Variants in FER1L6 observed in about 807,000 individuals in gnomAD.
FER1L6 encodes the protein fer-1 like family member 6.
In FER1L6, 177 loss-of-function variants were observed where a neutral mutation model predicts 219.2. The ratio of observed to expected loss-of-function variants is 0.81; its 90% confidence interval spans 0.71 to 0.91. The LOEUF (loss-of-function observed/expected upper bound fraction) is 0.91, where lower values mean the gene tolerates loss of function less well. Ranked by LOEUF, FER1L6 falls within the 40% of genes least tolerant of loss-of-function variation. The pLI is 0.00. For missense variants in FER1L6, 2,153 were observed against 2,259.9 expected (o/e 0.95, Z 0.96); for synonymous variants, 768 against 824.3 (o/e 0.93, Z 1.17).
chr8:124,090,037 CCTCT>C (rs1225635454), intron 33 of FER1L6, among the ~76,000 whole-genome samples: 6 of 152,194 alleles, frequency 3.9e-5, no homozygotes, highest in African/African-American at 1.4e-4. Context: ...CCACTGCACA[CCTCT>C]CTGATAATTG....
rs1554608009 is a variant in FER1L6, at chr8:123,856,316, G to GTATATATATA, written c.-8+4155_-8+4164dup. Among the ~76,000 whole-genome samples, 378 of 45,068 alleles carry GTATATATATA rather than the reference G, an allele frequency of 8.4e-3. 29 individuals are homozygous for GTATATATATA. Among genetic ancestry groups the GTATATATATA allele is most frequent in the Non-Finnish European group, 9.9e-3 (215 of 21,676 alleles). 29.6% of individuals were successfully genotyped at this position (45,068 alleles called of 152,430 possible). Reference sequence around the variant, plus strand: ...TGTATATATATATATATATGTATGTGTATATATATATATATATATATATAT... The same window carrying GTATATATATA: ...TGTATATATATATATATATGTATGTGTATATATATATATATATATATATATATATATATAT... On this transcript the variant is annotated intron_variant, in intron 1 of 40. Coordinates refer to ENST00000522917, the MANE Select transcript of FER1L6 (RefSeq NM_001039112.2).
At chr8:124,042,409 C>T (rs538564358) in intron 20 of FER1L6, among the ~76,000 whole-genome samples, 1 of 152,370 alleles carries the variant, frequency 6.6e-6, no homozygotes, top group Admixed American at 6.5e-5. Flanking sequence ...GCATCATTTG[C>T]TACATCTCAC....
intron 32 of FER1L6, among the ~76,000 whole-genome samples, chr8:124,080,558 T>C (rs1027387376): frequency 6.6e-6 from 1 of 152,142 alleles, no homozygotes; most frequent in African/African-American, 2.4e-5. Context: ...CCTCGAGTGA[T>C]CCACCTGCCT....
rs754259663 is a variant in FER1L6 at position 124,071,460 on chromosome 8, G to C, written c.3967-46G>C. 5 of 1,609,036 alleles carry C rather than the reference G, an allele frequency of 3.1e-6. No individual in the cohort carries two copies. The African/African-American group carries it at 5.3e-5, about 17-fold the overall frequency. ...CAGTGCTCTCTGTGGGTTTTGGTGG[G>C]ACATATGACCATCTCATTTCAATGG... On this transcript the variant is annotated intron_variant, in intron 30 of 40. Transcript: ENST00000522917.
Position 123,990,257 on chromosome 8 carries a change from ACT to A in FER1L6, c.1519+4084_1519+4085del, listed in dbSNP as rs575115070. Among the ~76,000 whole-genome samples the A allele has an allele frequency of 3.0e-4, 45 of 152,064 alleles. No homozygotes were observed. In the South Asian group the frequency reaches 6.4e-3, roughly 22 times the overall value. The stretch of plus-strand genomic sequence containing the variant: ...CACTCCAGCCTGGGTGGCAGAGGAG[ACT>A]CTGCCTCAAAAAAACAAAATAAAAT... On this transcript the variant is annotated intron_variant, in intron 12 of 40. Transcript: ENST00000522917.
At chr8:123,934,903 C>T (rs973720912) in intron 1 of FER1L6, among the ~76,000 whole-genome samples, 4 of 152,128 alleles carry the variant, frequency 2.6e-5, no homozygotes, top group East Asian at 1.9e-4. Flanking sequence ...TTTCCTGCTC[C>T]GCCATGGTAA....
At chr8:123,855,678 CAT>C (rs112642164) in intron 1 of FER1L6, among the ~76,000 whole-genome samples, 32,164 of 129,872 alleles carry the variant, frequency 0.25, 3,850 homozygotes, top group East Asian at 0.47. Context: ...AAGTGAAAAC[CAT>C]ATGTGTGTGT....
At chr8:123,904,688 T>A (rs997626425) in intron 1 of FER1L6, among the ~76,000 whole-genome samples, 1 of 152,156 alleles carries the variant, frequency 6.6e-6, no homozygotes, top group African/African-American at 2.4e-5. Context: ...TGAAGGGGTG[T>A]CTTCCACTGT....
At chr8:123,893,939 C>T (rs1209079739) in intron 1 of FER1L6, among the ~76,000 whole-genome samples, 1 of 152,136 alleles carries the variant, frequency 6.6e-6, no homozygotes, top group Non-Finnish European at 1.5e-5. Context: ...GCCACATGGT[C>T]ACCCCTGGTA....
chr8:124,096,994 AT>A (rs1278926801), intron 35 of FER1L6, among the ~76,000 whole-genome samples: 1 of 152,008 alleles, frequency 6.6e-6, no homozygotes. Flanking sequence ...AGATAGCATT[AT>A]GTCTACCCCC....
At chr8:124,076,047 T>G in intron 31 of FER1L6, 151 bp from the exon 32 acceptor site, 2 of 926,196 alleles carry the variant, frequency 2.2e-6, no homozygotes, top group Non-Finnish European at 3.1e-6. Context: ...ATCTAGGGAG[T>G]TTTTCAAAAG....
At chr8:124,059,475 A>G (rs928234360) in intron 22 of FER1L6, among the ~76,000 whole-genome samples, 3 of 152,188 alleles carry the variant, frequency 2.0e-5, no homozygotes, top group Non-Finnish European at 2.9e-5. Context: ...TGAAAGATGT[A>G]TGTGTCGAAC....
intron 1 of FER1L6, among the ~76,000 whole-genome samples, chr8:123,924,534 CAAA>C (rs35116182): frequency 1.4e-5 from 2 of 147,350 alleles, no homozygotes; most frequent in African/African-American, 5.1e-5. Context: ...AACTCCATCT[CAAA>C]AAAAAAAAAA....
At chr8:124,029,121 A>G (rs1489752052) in intron 18 of FER1L6, among the ~76,000 whole-genome samples, 1 of 152,080 alleles carries the variant, frequency 6.6e-6, no homozygotes, top group Admixed American at 6.5e-5. Flanking sequence ...ATTCTTTTTT[A>G]TGGCTGCATA....
chr8:124,007,102 G>A (rs553227634), intron 13 of FER1L6, among the ~76,000 whole-genome samples: 1 of 152,312 alleles, frequency 6.6e-6, no homozygotes, highest in Non-Finnish European at 1.5e-5. Context: ...CTTCTCTTCT[G>A]AGTAAACACC....
rs1586591366 is a variant in FER1L6, at chr8:124,013,693, A to G, written c.1922+162A>G. ...GTAATTTCACTCGTGCTTGTGGACT[A>G]ACTATTGCTTCTTGACACTGTAACA... On this transcript the variant is annotated intron_variant, in intron 15 of 40. Transcript: ENST00000522917. 1.1e-5 allele frequency: 5 copies of G among 458,342 alleles called. No individual in the cohort carries two copies. The East Asian group carries it at 1.5e-4, about 13-fold the overall frequency. 28.4% of individuals were successfully genotyped at this position (458,342 alleles called of 1,614,324 possible).
intron 1 of FER1L6, among the ~76,000 whole-genome samples, chr8:123,899,521 T>A (rs184872727): frequency 2.0e-5 from 3 of 152,258 alleles, no homozygotes; most frequent in Admixed American, 1.3e-4. Context: ...ATTTATTAGG[T>A]CTCAGCTATT....
At position 124,097,845 on chromosome 8, in the gene FER1L6, C is replaced by G. The variant is rs1822373975; in HGVS notation, c.4845C>G (p.Ile1615Met). 6.2e-7 allele frequency: 1 copy of G among 1,603,536 alleles called. No homozygotes were observed. The highest frequency in any genetic ancestry group is 8.5e-7 in the Non-Finnish European group (1 of 1,170,468). Residue 1615 changes from isoleucine (I) to methionine (M), a missense_variant, in exon 37 of 41, where the codon ATC (isoleucine) becomes ATG (methionine). Physicochemically the swap from Ile to Met is conservative, Grantham distance 10 (BLOSUM62 1). Transcript: ENST00000522917. ...TEDVILEDENIFTGQKSSDIY... is the reference protein window; with the variant it reads ...TEDVILEDENMFTGQKSSDIY... ...ATGTCATTTTAGAGGATGAGAATAT[C>G]TTCACAGGCCAAAAATCAAGTGATA...
intron 31 of FER1L6, among the ~76,000 whole-genome samples, chr8:124,074,126 T>C (rs1394307433): frequency 2.0e-5 from 3 of 152,228 alleles, no homozygotes; most frequent in Non-Finnish European, 4.4e-5. Context: ...ACCATCCTCC[T>C]ACTCTGGCCT....
Sources: allele counts gnomAD v4.1 joint callset (sites outside exome capture counted in the v4.1 genomes callset), GRCh38; gene constraint gnomAD v4.1.1; transcripts MANE v1.5; gene names NCBI Gene and HGNC (gene_info 2026-07-23, HGNC 2026-07-21).